The following EYS variants were observed in gnomAD, a reference collection of about 807,000 sequenced individuals.
The protein encoded by EYS is EGF-like photoreceptor maintenance factor, also known as protein eyes shut homolog.
EYS carries 250 observed loss-of-function variants against 282.1 expected under a neutral mutation model. The observed-to-expected ratio is 0.89, with a 90% CI of 0.80 to 0.98. The LOEUF is 0.98. Ranked by LOEUF, EYS falls within the 50% of genes least tolerant of loss-of-function variation. The pLI, the probability that EYS is intolerant of heterozygous loss-of-function variation, is 0.00. For missense variants in EYS, 4,016 were observed against 3,709.0 expected, an observed-to-expected ratio of 1.08 and a Z score of -2.15; for synonymous variants, 1,355 against 1,282.9, an observed-to-expected ratio of 1.06 and a Z score of -1.20.
At chr6:64,079,047 A>G (rs1205288316) in intron 32 of EYS, among the ~76,000 whole-genome samples, 3 of 152,150 alleles carry the variant, frequency 2.0e-5, no homozygotes, top group Non-Finnish European at 4.4e-5. Flanking sequence ...AAAAAATTGC[A>G]AAGCTAGAAA....
At position 64,590,588 on chromosome 6, in the gene EYS, G is replaced by T. The variant is rs1423659317; in HGVS notation, c.5279C>A (p.Thr1760Lys). The change falls in exon 26 of 43, where the codon ACA (threonine) becomes AAA (lysine). Residue 1760 changes from threonine (T) to lysine (K), a missense_variant. Thr to Lys is a moderately conservative substitution (Grantham distance 78). Transcript: ENST00000503581. The stretch of plus-strand genomic sequence containing the variant: ...ATTTGCATGTGTAATTTCTGAATAT[G>T]TCTTTAAAGTAACATCCGGATAAAT... ...LQIYPDVTLK[T>K]YSEITHANDF... The T allele has an allele frequency of 1.9e-6, 3 of 1,551,248 alleles. No homozygotes were observed. In the East Asian group the frequency reaches 7.3e-5, roughly 38 times the overall value.
intron 35 of EYS, among the ~76,000 whole-genome samples, chr6:63,914,999 G>T (rs942772690): frequency 6.6e-6 from 1 of 152,166 alleles, no homozygotes. Flanking sequence ...GCTACAGCAT[G>T]TTATTCAGAA....
chr6:64,780,910 C>A (rs993774616), intron 22 of EYS, among the ~76,000 whole-genome samples: 7 of 152,244 alleles, frequency 4.6e-5, no homozygotes, highest in African/African-American at 1.7e-4. Flanking sequence ...TGTATATATG[C>A]TTCTCAAATA....
At chr6:64,810,536 T>TA (rs1225154743) in intron 22 of EYS, among the ~76,000 whole-genome samples, 1 of 152,018 alleles carries the variant, frequency 6.6e-6, no homozygotes, top group African/African-American at 2.4e-5. Context: ...GGTTGGCAAT[T>TA]AAAAAAATTA....
chr6:64,147,227 G>A (rs547626611), intron 31 of EYS, among the ~76,000 whole-genome samples: 3 of 152,182 alleles, frequency 2.0e-5, no homozygotes, highest in Non-Finnish European at 4.4e-5. Flanking sequence ...ACTTAGAAAA[G>A]GAGATGGTAG....
intron 5 of EYS, among the ~76,000 whole-genome samples, chr6:65,459,693 G>C (rs977439101): frequency 4.6e-5 from 7 of 151,340 alleles, no homozygotes; most frequent in Non-Finnish European, 1.0e-4. Context: ...GTTTCATAGA[G>C]AGTCTTGAAC....
chr6:63,941,509 T>C (rs1765238751), intron 35 of EYS, among the ~76,000 whole-genome samples: 1 of 152,234 alleles, frequency 6.6e-6, no homozygotes, highest in Non-Finnish European at 1.5e-5. Context: ...TTCATATCCT[T>C]CGTCCACTTT....
chr6:64,521,651 C>T (rs750111253), intron 26 of EYS, among the ~76,000 whole-genome samples: 4 of 151,786 alleles, frequency 2.6e-5, no homozygotes, highest in Admixed American at 6.6e-5. Context: ...AAAGGTTCTT[C>T]TTGAAAAGGG....
rs1043674547 is a variant in EYS, at chr6:65,101,608, A to G, written c.2024-43881T>C. On this transcript the variant is annotated intron_variant, in intron 12 of 42. Transcript: ENST00000503581. ...ATTGTGTTCTGTTTGACCTTTATGT[A>G]CTTACTTCTTGGTTTGTGAGTTGAT... 4.8e-4 allele frequency among the ~76,000 whole-genome samples: 72 copies of G among 151,256 alleles called. 2 individuals carry two copies. In the Admixed American group the frequency reaches 4.8e-3, roughly 10 times the overall value.
At chr6:65,356,143 C>CAT (rs1582179835) in intron 8 of EYS, among the ~76,000 whole-genome samples, 1 of 151,986 alleles carries the variant, frequency 6.6e-6, no homozygotes, top group East Asian at 1.9e-4. Flanking sequence ...CATATACATA[C>CAT]ACACAATGGA....
chr6:65,521,226 G>A lies in EYS; in HGVS notation c.-332-25233C>T, dbSNP rs185918548. Among the ~76,000 whole-genome samples, 966 of 152,150 alleles carry A rather than the reference G, an allele frequency of 6.3e-3. 13 individuals carry two copies. The highest frequency in any genetic ancestry group is 0.022 in the African/African-American group (921 of 41,540). On this transcript the variant is annotated intron_variant, in intron 2 of 42. Coordinates refer to ENST00000503581, the MANE Select transcript of EYS (RefSeq NM_001142800.2). ...ATGACCATCTGCTCAACATATATAC[G>A]TGTTGTATCAAATCACTGCAGTACT...
chr6:65,483,520 G>A (rs1765676939), intron 5 of EYS, among the ~76,000 whole-genome samples: 1 of 151,924 alleles, frequency 6.6e-6, no homozygotes, highest in South Asian at 2.1e-4. Flanking sequence ...TTTTACTATG[G>A]CTCATTAGAA....
intron 24 of EYS, among the ~76,000 whole-genome samples, chr6:64,600,924 A>T (rs969792282): frequency 6.6e-6 from 1 of 152,116 alleles, no homozygotes; most frequent in African/African-American, 2.4e-5. Flanking sequence ...TGTAGCTTTC[A>T]TGTCTTCTTG....
chr6:65,403,199 A>G (rs1766584441), intron 6 of EYS, among the ~76,000 whole-genome samples: 2 of 152,088 alleles, frequency 1.3e-5, no homozygotes, highest in Admixed American at 6.6e-5. Flanking sequence ...ATTTTAAGCC[A>G]CCAAGTTTTG....
intron 7 of EYS, among the ~76,000 whole-genome samples, chr6:65,399,838 C>A (rs1360822992): frequency 6.6e-6 from 1 of 152,134 alleles, no homozygotes; most frequent in East Asian, 1.9e-4. Flanking sequence ...TGTTCTGGCT[C>A]TCCTTTTAAT....
intron 35 of EYS, among the ~76,000 whole-genome samples, chr6:63,912,310 A>G (rs1764273969): frequency 6.6e-6 from 1 of 152,194 alleles, no homozygotes; most frequent in Admixed American, 6.5e-5. Flanking sequence ...AGGGCTATTC[A>G]ATATGCAGAT....
At chr6:65,360,374 A>T (rs1041057421) in intron 8 of EYS, among the ~76,000 whole-genome samples, 3 of 151,930 alleles carry the variant, frequency 2.0e-5, no homozygotes, top group Non-Finnish European at 2.9e-5. Flanking sequence ...TTATTTAAAT[A>T]AAAAAATTAG....
chr6:65,225,937 A>C (rs930371009), intron 12 of EYS, among the ~76,000 whole-genome samples: 1 of 152,066 alleles, frequency 6.6e-6, no homozygotes, highest in African/African-American at 2.4e-5. Context: ...TATTATATTC[A>C]ATAACAAAAG....
intron 31 of EYS, among the ~76,000 whole-genome samples, chr6:64,189,864 C>T (rs376148580): frequency 3.9e-5 from 6 of 152,266 alleles, no homozygotes; most frequent in African/African-American, 1.4e-4. Flanking sequence ...GCATAGCCCA[C>T]AAAGCTGAAA....
Sources: gnomAD v4.1 joint callset for allele counts (sites outside exome capture counted in the v4.1 genomes callset) on GRCh38, gnomAD v4.1.1 for gene constraint, MANE v1.5 for transcripts, NCBI Gene and HGNC (gene_info 2026-07-23, HGNC 2026-07-21) for gene names.